Variants in CEP135 observed in about 807,000 individuals in gnomAD.
CEP135 encodes centrosomal protein of 135 kDa.
Under a neutral mutation model 157.3 loss-of-function variants are expected in CEP135, and 142 were observed. The ratio of observed to expected loss-of-function variants is 0.90; its 90% CI spans 0.79 to 1.04. The LOEUF (loss-of-function observed/expected upper bound fraction) is 1.04. CEP135 is among the 50% of genes least tolerant of loss of function. CEP135 has a pLI of 0.00. For missense variants in CEP135, 1,317 were observed against 1,309.2 expected, an observed-to-expected ratio of 1.01 and a Z score of -0.09; for synonymous variants, 396 against 439.8, an observed-to-expected ratio of 0.90 and a Z score of 1.25.
At chr4:56,000,483 A>C (rs1419160186) in intron 17 of CEP135, among the ~76,000 whole-genome samples, 2 of 151,972 alleles carry the variant, frequency 1.3e-5, no homozygotes, top group Non-Finnish European at 2.9e-5. Flanking sequence ...ACCTCTCTTC[A>C]CGCCTCCTCC....
chr4:55,998,996 G>A (rs1348302013), intron 15 of CEP135, among the ~76,000 whole-genome samples: 2 of 152,156 alleles, frequency 1.3e-5, no homozygotes, highest in African/African-American at 4.8e-5. Context: ...TTAAAGGAGA[G>A]GGGGTTAACA....
intron 6 of CEP135, among the ~76,000 whole-genome samples, chr4:55,961,764 TAAAAA>T (rs564116620): frequency 9.2e-5 from 5 of 54,212 alleles, no homozygotes; most frequent in African/African-American, 3.1e-4. Context: ...AAACTCTGTC[TAAAAA>T]AAAAAAAAAA....
At chr4:55,994,440 G>A (rs1050181099) in intron 15 of CEP135, among the ~76,000 whole-genome samples, 1 of 152,090 alleles carries the variant, frequency 6.6e-6, no homozygotes, top group African/African-American at 2.4e-5. Flanking sequence ...CTAGCTACCC[G>A]AGAGGCTGAG....
Position 55,965,645 on chromosome 4 carries a change from T to C in CEP135, c.830T>C (p.Val277Ala), listed in dbSNP as rs544643954. The C allele has an allele frequency of 1.6e-5, 25 of 1,600,278 alleles. No homozygotes were observed. The South Asian group carries it at 2.9e-4, about 18-fold the overall frequency. ...TCATAAATTACAACTCCAATTTAGG[T>C]TGACTTTCTTCAGCAAGCTAATAAA... ...EKLIAHLNIQVDFLQQANKDL... is the reference protein window; with the variant it reads ...EKLIAHLNIQADFLQQANKDL... The change falls in exon 8 of 26, where the codon GTT becomes GCT. Residue 277 changes from valine to alanine, a missense_variant and splice_region_variant. Physicochemically the swap from Val to Ala is moderately conservative, Grantham distance 64 (BLOSUM62 0). Coordinates refer to ENST00000257287, the MANE Select transcript of CEP135 (RefSeq NM_025009.5).
intron 21 of CEP135, among the ~76,000 whole-genome samples, chr4:56,017,102 T>G (rs1330655581): frequency 2.6e-5 from 4 of 152,076 alleles, no homozygotes; most frequent in Non-Finnish European, 5.9e-5. Context: ...TGGATTCTTC[T>G]AGAAAAAAAA....
intron 17 of CEP135, among the ~76,000 whole-genome samples, chr4:56,004,224 C>T (rs1183410534): frequency 1.3e-5 from 2 of 152,090 alleles, no homozygotes; most frequent in Non-Finnish European, 1.5e-5. Flanking sequence ...TAGTTTCCAG[C>T]GTTTCTCTTA....
At chr4:55,993,342 C>G (rs1212687731) in intron 15 of CEP135, among the ~76,000 whole-genome samples, 4 of 152,150 alleles carry the variant, frequency 2.6e-5, no homozygotes, top group Admixed American at 6.5e-5. Context: ...GACTGTAGTT[C>G]ATAAGGGTTC....
chr4:55,951,280 A>G (rs1396661983), intron 1 of CEP135, among the ~76,000 whole-genome samples: 3 of 152,218 alleles, frequency 2.0e-5, no homozygotes, highest in Admixed American at 2.0e-4. Flanking sequence ...TCACAGGGTT[A>G]TAGTCCAGAA....
At chr4:55,957,510 C>A (rs1043363091) in intron 5 of CEP135, 146 bp downstream of exon 5, 6 of 606,922 alleles carry the variant, frequency 9.9e-6, no homozygotes, top group Non-Finnish European at 1.6e-5. Flanking sequence ...GTAAATACTT[C>A]CAGATTGATA....
intron 9 of CEP135, 84 bp downstream of exon 9, chr4:55,969,212 CAGG>C: frequency 9.3e-7 from 1 of 1,076,896 alleles, no homozygotes; most frequent in Non-Finnish European, 1.4e-6. Flanking sequence ...CACCTGAGGT[CAGG>C]AGTTCGAGAC....
chr4:56,030,976 A>G (rs548399708), intron 25 of CEP135, among the ~76,000 whole-genome samples: 3 of 152,136 alleles, frequency 2.0e-5, no homozygotes, highest in African/African-American at 4.8e-5. Context: ...GACCTCATCT[A>G]TACTAAATAC....
At position 55,999,338 on chromosome 4, in the gene CEP135, CTA is replaced by C; in HGVS notation, c.2048_2049del (p.Tyr683SerfsTer10). 6.2e-7 allele frequency: 1 copy of C among 1,614,146 alleles called. No homozygotes were observed. Among genetic ancestry groups the C allele is most frequent in the Non-Finnish European group, 8.5e-7 (1 of 1,180,004 alleles). ...AGCAGCTACAGCGGTCAGTTGATGA[CTA>C]TCAGCACCGACTTTCCATAAAAAGA... ...NEQLQRSVDD[Y>X]QHRLSIKRGE... is the part of the protein sequence containing the mutation. On this transcript the variant is annotated frameshift_variant, in exon 16 of 26. Transcript: ENST00000257287. LOFTEE classifies it high-confidence loss of function.
At chr4:56,025,044 G>A (rs928220699) in intron 25 of CEP135, among the ~76,000 whole-genome samples, 7 of 152,068 alleles carry the variant, frequency 4.6e-5, no homozygotes, top group Non-Finnish European at 5.9e-5. Flanking sequence ...TGCTGGGGAG[G>A]TGGGGGAGGA....
At chr4:55,992,149 A>G in intron 15 of CEP135, 64 bp downstream of exon 15, 3 of 1,501,660 alleles carry the variant, frequency 2.0e-6, no homozygotes, top group South Asian at 2.5e-5. Flanking sequence ...TGTAAAGTTT[A>G]TAATCATGGC....
At chr4:56,023,976 A>ATATT (rs1344229367) in intron 24 of CEP135, among the ~76,000 whole-genome samples, 1 of 140,064 alleles carries the variant, frequency 7.1e-6, no homozygotes, top group Non-Finnish European at 1.5e-5. Context: ...TATAAATATT[A>ATATT]TATAATATAT....
At chr4:55,975,173 T>A (rs960991568) in intron 11 of CEP135, among the ~76,000 whole-genome samples, 2 of 152,240 alleles carry the variant, frequency 1.3e-5, no homozygotes, top group Non-Finnish European at 2.9e-5. Context: ...TATAGATGAC[T>A]GGAAATTAAA....
intron 11 of CEP135, 71 bp from the exon 12 acceptor site, chr4:55,980,072 A>G: frequency 8.2e-7 from 1 of 1,225,468 alleles, no homozygotes; most frequent in Non-Finnish European, 1.2e-6. Context: ...TCTTTCAGTC[A>G]ATCTCATCAT....
intron 22 of CEP135, 59 bp from the exon 23 acceptor site, chr4:56,019,294 A>G: frequency 7.4e-7 from 1 of 1,343,046 alleles, no homozygotes; most frequent in Non-Finnish European, 1.0e-6. Context: ...CAGATAAATA[A>G]TTTTTTCAGA....
At position 56,032,816 on chromosome 4, in the gene CEP135, T is replaced by G. The variant is rs1357770788; in HGVS notation, c.*1468T>G. On this transcript the variant is annotated 3_prime_UTR_variant, in exon 26 of 26. Coordinates refer to ENST00000257287, the MANE Select transcript of CEP135 (RefSeq NM_025009.5). ...TGAATGATCAGTTACTTATGATATA[T>G]TTTGTTTCCTCTTGTGGTTTAATAA... 1 of 151,766 alleles carries G rather than the reference T, an allele frequency of 6.6e-6. No homozygotes were observed. Among genetic ancestry groups the G allele is most frequent in the Non-Finnish European group, 1.5e-5 (1 of 67,976 alleles). 9.4% of individuals were successfully genotyped at this position (151,766 alleles called of 1,614,324 possible). A position where few individuals can be genotyped will look rare whatever the true frequency, so the allele number is the denominator to read the frequency against.
Sources: allele counts gnomAD v4.1 joint callset (sites outside exome capture counted in the v4.1 genomes callset), GRCh38; gene constraint gnomAD v4.1.1; transcripts MANE v1.5; gene names NCBI Gene and HGNC (gene_info 2026-07-23, HGNC 2026-07-21).